TGFBR2: variants seen among roughly 807,000 people sequenced by gnomAD.
TGFBR2 encodes the protein TGF-beta receptor type-2.
Under a neutral mutation model 49.0 loss-of-function variants are expected in TGFBR2, and 18 were observed. The observed-to-expected ratio is 0.37, with a 90% CI of 0.25 to 0.54. The LOEUF (loss-of-function observed/expected upper bound fraction) is 0.54. TGFBR2 is among the 20% of genes least tolerant of loss of function. The probability of loss-of-function intolerance (pLI) is 0.85; values close to 1 mark genes in which losing one functional copy is unlikely to be tolerated. For synonymous variants in TGFBR2, 282 were observed against 275.9 expected (o/e 1.02, Z -0.22); for missense variants, 525 against 722.6 (o/e 0.73, Z 3.13).
chr3:30,618,841 A>G (rs1475506777), intron 1 of TGFBR2, among the ~76,000 whole-genome samples: 1 of 152,114 alleles, frequency 6.6e-6, no homozygotes, highest in Non-Finnish European at 1.5e-5. Flanking sequence ...ATTGCTCAAC[A>G]TTTGTTTTAG....
chr3:30,625,238 A>G (rs1384751656), intron 1 of TGFBR2, among the ~76,000 whole-genome samples: 1 of 152,220 alleles, frequency 6.6e-6, no homozygotes, highest in African/African-American at 2.4e-5. Flanking sequence ...TGGAATAAAA[A>G]AAGAAAAATA....
intron 2 of TGFBR2, among the ~76,000 whole-genome samples, chr3:30,649,820 A>G (rs1007512023): frequency 2.6e-5 from 4 of 152,200 alleles, no homozygotes; most frequent in Admixed American, 2.0e-4. Context: ...TGAAAACAGT[A>G]TAGCTAGACA....
chr3:30,613,203 A>G (rs1698062254), intron 1 of TGFBR2, among the ~76,000 whole-genome samples: 1 of 151,340 alleles, frequency 6.6e-6, no homozygotes, highest in South Asian at 2.1e-4. Context: ...TCTACAACTA[A>G]AATATAGACC....
rs767174112 is a variant in TGFBR2 at position 30,688,544 on chromosome 3, A to G, written c.1524+33A>G. ...GTGAGTGTTTACAAAGGTCAGTAAG[A>G]TTCAACCAAGTTGCCTCTTAGGTGG... On this transcript the variant is annotated intron_variant, in intron 6 of 6. Transcript: ENST00000295754. 9 of 1,613,886 alleles carry G rather than the reference A, an allele frequency of 5.6e-6. No homozygotes were observed. The South Asian group carries it at 8.8e-5, about 16-fold the overall frequency.
chr3:30,651,947 C>T (rs951212335), intron 3 of TGFBR2, among the ~76,000 whole-genome samples: 1 of 152,218 alleles, frequency 6.6e-6, no homozygotes, highest in African/African-American at 2.4e-5. Context: ...GCTCTACACC[C>T]TATCTCTGCG....
At chr3:30,606,570 C>G (rs1421339880), upstream of TGFBR2, 2 of 312,244 alleles carry the variant, frequency 6.4e-6, no homozygotes, top group South Asian at 1.6e-4. Context: ...TCCTGTTTCC[C>G]CCGCAGCGCT....
chr3:30,692,674 C>T lies in TGFBR2; in HGVS notation c.*1075C>T, dbSNP rs544093849. ...TTCCATCTTTCTGGGCTCCTGATTG[C>T]TCAAGCACAGTTTGGCCTGATGAAG... On this transcript the variant is annotated 3_prime_UTR_variant, in exon 7 of 7. Transcript: ENST00000295754. The T allele has an allele frequency of 4.0e-4, 93 of 233,224 alleles. No individual in the cohort carries two copies. In the South Asian group the frequency reaches 0.016, roughly 40 times the overall value. The allele number at this position is 233,224 out of a possible 1,614,324, so 14.4% of individuals were successfully genotyped here. A position where few individuals can be genotyped will look rare whatever the true frequency, so the allele number is the denominator to read the frequency against.
At chr3:30,647,240 T>G (rs554833115) in intron 2 of TGFBR2, among the ~76,000 whole-genome samples, 1 of 152,268 alleles carries the variant, frequency 6.6e-6, no homozygotes, top group African/African-American at 2.4e-5. Flanking sequence ...AGAAACAAAT[T>G]CCTGGTTATT....
At chr3:30,611,225 C>T (rs1698022467) in intron 1 of TGFBR2, among the ~76,000 whole-genome samples, 7 of 152,210 alleles carry the variant, frequency 4.6e-5, no homozygotes, top group Admixed American at 4.6e-4. Context: ...AAGTGCTGAG[C>T]TGAGCCTCCA....
intron 1 of TGFBR2, among the ~76,000 whole-genome samples, chr3:30,625,657 A>T (rs1698319742): frequency 6.6e-6 from 1 of 152,240 alleles, no homozygotes; most frequent in Non-Finnish European, 1.5e-5. Flanking sequence ...ATACAATGGC[A>T]ACTAAATGCC....
intron 1 of TGFBR2, among the ~76,000 whole-genome samples, chr3:30,609,011 C>T (rs1697986217): frequency 6.6e-6 from 1 of 152,152 alleles, no homozygotes; most frequent in Non-Finnish European, 1.5e-5. Flanking sequence ...TTGCAAATTC[C>T]AGACCCAATA....
chr3:30,679,923 T>G (rs1236169796), intron 5 of TGFBR2, among the ~76,000 whole-genome samples: 1 of 152,182 alleles, frequency 6.6e-6, no homozygotes, highest in Non-Finnish European at 1.5e-5. Context: ...GTCAGGAGTT[T>G]AAGACCAGCC....
intron 3 of TGFBR2, among the ~76,000 whole-genome samples, chr3:30,667,229 A>T (rs905586189): frequency 6.6e-6 from 1 of 152,222 alleles, no homozygotes; most frequent in Non-Finnish European, 1.5e-5. Flanking sequence ...GTAAGTGTTC[A>T]GTTTATGAGT....
At chr3:30,639,309 T>A (rs1005249409) in intron 1 of TGFBR2, among the ~76,000 whole-genome samples, 1 of 152,194 alleles carries the variant, frequency 6.6e-6, no homozygotes, top group Admixed American at 6.5e-5. Context: ...GAAGGTATGT[T>A]GTAGATGTGA....
At chr3:30,645,303 C>T (rs1162118252) in intron 2 of TGFBR2, among the ~76,000 whole-genome samples, 1 of 152,038 alleles carries the variant, frequency 6.6e-6, no homozygotes, top group African/African-American at 2.4e-5. Context: ...TTGAGGCAAT[C>T]TCAGGTCTGG....
chr3:30,611,712 G>A (rs192580981), intron 1 of TGFBR2, among the ~76,000 whole-genome samples: 1 of 152,054 alleles, frequency 6.6e-6, no homozygotes, highest in African/African-American at 2.4e-5. Context: ...GGGTGAAGCA[G>A]CGTTGGTTGA....
chr3:30,613,198 A>C (rs973684183), intron 1 of TGFBR2, among the ~76,000 whole-genome samples: 1 of 149,698 alleles, frequency 6.7e-6, no homozygotes, highest in Non-Finnish European at 1.5e-5. Flanking sequence ...TCAGCTCTAC[A>C]ACTAAAATAT....
At chr3:30,650,526 G>A (rs1698863885) in intron 3 of TGFBR2, 66 bp downstream of exon 3, 1 of 1,534,376 alleles carries the variant, frequency 6.5e-7, no homozygotes, top group Non-Finnish European at 9.0e-7. Context: ...TCCTTGGTCT[G>A]CAGTGTCATA....
intron 5 of TGFBR2, among the ~76,000 whole-genome samples, chr3:30,680,280 A>T (rs1699518042): frequency 6.6e-6 from 1 of 152,230 alleles, no homozygotes; most frequent in African/African-American, 2.4e-5. Context: ...TGATGGCCTC[A>T]CTTCTCTGGG....
Sources: gnomAD v4.1 joint callset for allele counts (sites outside exome capture counted in the v4.1 genomes callset) on GRCh38, gnomAD v4.1.1 for gene constraint, MANE v1.5 for transcripts, NCBI Gene and HGNC (gene_info 2026-07-23, HGNC 2026-07-21) for gene names.